The following FHOD3 variants were observed in gnomAD, a reference collection of about 807,000 sequenced individuals.
FHOD3 encodes the protein formin homology 2 domain containing 3.
Under a neutral mutation model 173.0 loss-of-function variants are expected in FHOD3, and 90 were observed. That is an observed-to-expected ratio of 0.52 (90% confidence interval 0.44 to 0.62). The LOEUF is 0.62. FHOD3 is among the 20% of genes least tolerant of loss of function. The pLI is 0.00. For missense variants in FHOD3, 1,945 were observed against 2,034.7 expected, an observed-to-expected ratio of 0.96 and a Z score of 0.85; for synonymous variants, 828 against 823.0, an observed-to-expected ratio of 1.01 and a Z score of -0.10.
chr18:36,588,570 C>A (rs1358231801), intron 6 of FHOD3, among the ~76,000 whole-genome samples: 1 of 151,984 alleles, frequency 6.6e-6, no homozygotes, highest in Non-Finnish European at 1.5e-5. Context: ...AAATTGTTTT[C>A]TTTTTTGGCT....
At chr18:36,766,403 T>C (rs931603976) in intron 27 of FHOD3, among the ~76,000 whole-genome samples, 1 of 152,188 alleles carries the variant, frequency 6.6e-6, no homozygotes, top group African/African-American at 2.4e-5. Flanking sequence ...AAAAGTAAAG[T>C]GGTATTGTGC....
chr18:36,470,208 G>C (rs2053199267), intron 3 of FHOD3, among the ~76,000 whole-genome samples: 1 of 152,174 alleles, frequency 6.6e-6, no homozygotes, highest in Admixed American at 6.5e-5. Flanking sequence ...TTTCTCTTCT[G>C]TACTGAGCAG....
At chr18:36,475,486 G>A (rs2145268885) in intron 3 of FHOD3, among the ~76,000 whole-genome samples, 1 of 151,844 alleles carries the variant, frequency 6.6e-6, no homozygotes, top group South Asian at 2.1e-4. Context: ...GGGGTTGGGT[G>A]CGGGGTGGGA....
chr18:36,691,195 A>G (rs1158287444), intron 16 of FHOD3, among the ~76,000 whole-genome samples: 1 of 152,086 alleles, frequency 6.6e-6, no homozygotes, highest in Non-Finnish European at 1.5e-5. Context: ...ACCAGGAATG[A>G]GCCAGCAAAA....
chr18:36,321,662 C>T (rs1341359660), intron 1 of FHOD3, among the ~76,000 whole-genome samples: 1 of 152,172 alleles, frequency 6.6e-6, no homozygotes, highest in East Asian at 1.9e-4. Flanking sequence ...GAGTGGCAGA[C>T]ACTCCTTTGG....
chr18:36,641,118 C>T (rs545811983), intron 10 of FHOD3, among the ~76,000 whole-genome samples: 2 of 152,116 alleles, frequency 1.3e-5, no homozygotes, highest in South Asian at 2.1e-4. Context: ...GTCCTCAGGG[C>T]CATGGAACTG....
At chr18:36,348,404 G>A (rs2045965285) in intron 1 of FHOD3, among the ~76,000 whole-genome samples, 2 of 152,212 alleles carry the variant, frequency 1.3e-5, no homozygotes, top group South Asian at 2.1e-4. Flanking sequence ...GAGAGAGGTA[G>A]GGTCCACAGC....
At chr18:36,351,297 A>G (rs1488737154) in intron 1 of FHOD3, among the ~76,000 whole-genome samples, 1 of 152,118 alleles carries the variant, frequency 6.6e-6, no homozygotes, top group African/African-American at 2.4e-5. Context: ...CTGCCCACCC[A>G]TTTATTAGGG....
chr18:36,693,077 C>G lies in FHOD3; in HGVS notation c.2022-132C>G. 6 of 891,730 alleles carry G rather than the reference C, an allele frequency of 6.7e-6. No homozygotes were observed. In the Admixed American group the frequency reaches 8.0e-5, roughly 12 times the overall value. 55.2% of individuals were successfully genotyped at this position (891,730 alleles called of 1,614,324 possible). A position where few individuals can be genotyped will look rare whatever the true frequency, so the allele number is the denominator to read the frequency against. On this transcript the variant is annotated intron_variant, in intron 16 of 28. Transcript: ENST00000590592. ...GCTGGGTGTTTTTGGCAGGCTGACT[C>G]TCCAGCCAGCCCTGCACTGTGCTGT...
intron 27 of FHOD3, among the ~76,000 whole-genome samples, chr18:36,768,031 C>G (rs2043215643): frequency 1.3e-5 from 2 of 152,146 alleles, no homozygotes; most frequent in Admixed American, 1.3e-4. Flanking sequence ...TTGGGAAAGG[C>G]TGGCAGTTCC....
At chr18:36,371,838 T>G (rs1193482038) in intron 2 of FHOD3, among the ~76,000 whole-genome samples, 3 of 151,474 alleles carry the variant, frequency 2.0e-5, no homozygotes, top group African/African-American at 7.4e-5. Flanking sequence ...GAATCCCGCT[T>G]CCAAGAGCCC....
intron 14 of FHOD3, among the ~76,000 whole-genome samples, chr18:36,673,876 G>C (rs1401317859): frequency 6.6e-6 from 1 of 152,000 alleles, no homozygotes; most frequent in African/African-American, 2.4e-5. Context: ...ACATATATGA[G>C]GGATATGTAT....
At chr18:36,462,414 C>T (rs1378531384) in intron 3 of FHOD3, among the ~76,000 whole-genome samples, 1 of 152,018 alleles carries the variant, frequency 6.6e-6, no homozygotes, top group Non-Finnish European at 1.5e-5. Flanking sequence ...TCACTGCAAG[C>T]TCTGCCTCCT....
At chr18:36,494,817 A>G (rs532132005) in intron 3 of FHOD3, among the ~76,000 whole-genome samples, 5 of 151,960 alleles carry the variant, frequency 3.3e-5, no homozygotes, top group African/African-American at 1.2e-4. Flanking sequence ...CTCAGCCCCC[A>G]TTTCTGCTTT....
chr18:36,762,673 GT>G (rs1199124212), intron 27 of FHOD3, among the ~76,000 whole-genome samples: 3 of 151,986 alleles, frequency 2.0e-5, no homozygotes, highest in African/African-American at 7.2e-5. Flanking sequence ...TCACATGCCT[GT>G]AATCCTAGCT....
At chr18:36,595,439 A>G (rs551571032) in intron 7 of FHOD3, among the ~76,000 whole-genome samples, 17 of 152,228 alleles carry the variant, frequency 1.1e-4, no homozygotes, top group Admixed American at 8.5e-4. Context: ...TCCCCTGGCT[A>G]AGGGGACCCT....
intron 6 of FHOD3, among the ~76,000 whole-genome samples, chr18:36,591,957 G>A (rs1277799782): frequency 1.3e-5 from 2 of 152,198 alleles, no homozygotes; most frequent in Non-Finnish European, 2.9e-5. Flanking sequence ...GATGGCTCAT[G>A]CCTGTAATCC....
chr18:36,575,699 C>T (rs1422345977), intron 5 of FHOD3, among the ~76,000 whole-genome samples: 2 of 152,076 alleles, frequency 1.3e-5, no homozygotes, highest in Non-Finnish European at 2.9e-5. Flanking sequence ...GGGCATGTAA[C>T]TTCTGTTTGT....
chr18:36,530,889 C>T (rs894694920), intron 5 of FHOD3, among the ~76,000 whole-genome samples: 1 of 152,164 alleles, frequency 6.6e-6, no homozygotes, highest in Non-Finnish European at 1.5e-5. Flanking sequence ...CTTGTTCTCC[C>T]TGAGGCCCCT....
Sources: gnomAD v4.1 joint callset for allele counts (sites outside exome capture counted in the v4.1 genomes callset) on GRCh38, gnomAD v4.1.1 for gene constraint, MANE v1.5 for transcripts, NCBI Gene and HGNC (gene_info 2026-07-23, HGNC 2026-07-21) for gene names.